The following LARGE1 variants were observed in gnomAD, a reference collection of about 807,000 sequenced individuals.
LARGE1 encodes xylosyl- and glucuronyltransferase LARGE1.
LARGE1 carries 43 observed loss-of-function variants against 87.6 expected under a neutral mutation model. The ratio of observed to expected loss-of-function variants is 0.49; its 90% CI spans 0.38 to 0.63. LARGE1 has a LOEUF of 0.63. Among genes scored for constraint, LARGE1 ranks in the 30% least tolerant of loss-of-function variants. The pLI is 0.00. For synonymous variants in LARGE1, 434 were observed against 394.6 expected, an observed-to-expected ratio of 1.10 and a Z score of -1.18; for missense variants, 802 against 1,000.2, an observed-to-expected ratio of 0.80 and a Z score of 2.67.
At chr22:33,082,336 C>T in the LARGE1 span, among the ~76,000 whole-genome samples, 26 of 152,114 alleles carry the variant, frequency 1.7e-4, no homozygotes, top group African/African-American at 5.6e-4. Flanking sequence ...AAGACCCTTC[C>T]GGTTGTTTAG....
chr22:33,400,170 T>C (rs1048412200), intron 7 of LARGE1, among the ~76,000 whole-genome samples: 2 of 152,238 alleles, frequency 1.3e-5, no homozygotes, highest in African/African-American at 4.8e-5. Flanking sequence ...AATGAAGATA[T>C]TCTGGCTGTG....
At chr22:33,722,910 G>C (rs1363098956) in intron 2 of LARGE1, among the ~76,000 whole-genome samples, 1 of 152,130 alleles carries the variant, frequency 6.6e-6, no homozygotes, top group Non-Finnish European at 1.5e-5. Context: ...TCGGAGCTTG[G>C]GGGTGAGCTG....
chr22:33,540,334 T>C (rs527748535), intron 6 of LARGE1, among the ~76,000 whole-genome samples: 2 of 151,850 alleles, frequency 1.3e-5, no homozygotes, highest in African/African-American at 4.8e-5. Context: ...GAGTTTGGAG[T>C]TGACTAAGTG....
chr22:33,351,653 C>A (rs1369620738), intron 9 of LARGE1, among the ~76,000 whole-genome samples: 1 of 152,058 alleles, frequency 6.6e-6, no homozygotes, highest in Non-Finnish European at 1.5e-5. Flanking sequence ...GATACTACTA[C>A]CCCCTTTGCG....
intron 12 of LARGE1, among the ~76,000 whole-genome samples, chr22:33,304,014 C>T (rs955391035): frequency 6.6e-6 from 1 of 152,256 alleles, no homozygotes; most frequent in African/African-American, 2.4e-5. Context: ...CTGCCATCAA[C>T]ATTTCCTTCT....
chr22:33,645,306 G>A (rs2080573196), intron 3 of LARGE1, among the ~76,000 whole-genome samples: 1 of 152,146 alleles, frequency 6.6e-6, no homozygotes, highest in Non-Finnish European at 1.5e-5. Context: ...ACAACTATCT[G>A]ATCTTTGACA....
At chr22:33,453,206 C>G (rs751550784) in intron 6 of LARGE1, among the ~76,000 whole-genome samples, 3 of 151,970 alleles carry the variant, frequency 2.0e-5, no homozygotes, top group African/African-American at 7.3e-5. Flanking sequence ...TATGAAGTCA[C>G]GAGTTCGAGA....
At chr22:33,342,531 T>A (rs1003037188) in intron 9 of LARGE1, among the ~76,000 whole-genome samples, 2 of 152,112 alleles carry the variant, frequency 1.3e-5, no homozygotes, top group Admixed American at 6.6e-5. Context: ...AAACCTGAGG[T>A]TCTTAACTAC....
At chr22:33,796,209 T>C (rs1344653266) in intron 1 of LARGE1, among the ~76,000 whole-genome samples, 2 of 151,660 alleles carry the variant, frequency 1.3e-5, no homozygotes, top group Non-Finnish European at 2.9e-5. Context: ...AAATTAAGAG[T>C]TTGAGTATTA....
intron 11 of LARGE1, among the ~76,000 whole-genome samples, chr22:33,170,251 C>T (rs1411631798): frequency 2.0e-5 from 3 of 152,018 alleles, no homozygotes; most frequent in Non-Finnish European, 4.4e-5. Context: ...CATCTGTAAT[C>T]CCAGCTACTC....
intron 10 of LARGE1, among the ~76,000 whole-genome samples, chr22:33,333,395 T>C (rs1938002219): frequency 6.6e-6 from 1 of 152,126 alleles, no homozygotes; most frequent in East Asian, 1.9e-4. Flanking sequence ...TTTTCTCTAA[T>C]ATAAATCTGC....
chr22:33,243,578 T>C (rs1451600305), intron 11 of LARGE1, among the ~76,000 whole-genome samples: 2 of 152,200 alleles, frequency 1.3e-5, no homozygotes, highest in Non-Finnish European at 2.9e-5. Flanking sequence ...TATCAGTAAT[T>C]TTTTCCTTTT....
the LARGE1 span, among the ~76,000 whole-genome samples, chr22:33,074,220 G>A: frequency 1.3e-5 from 2 of 151,942 alleles, 1 homozygote; most frequent in Admixed American, 1.3e-4. Flanking sequence ...CTCCTTTACC[G>A]GGACCGCTTC....
chr22:33,744,004 C>T (rs1380553866), intron 2 of LARGE1: 1 of 152,228 alleles, frequency 6.6e-6, no homozygotes, highest in East Asian at 1.9e-4. Flanking sequence ...CTTTTTCCAT[C>T]ATGCCCCGCT....
chr22:33,350,806 C>T (rs925260642), intron 9 of LARGE1, among the ~76,000 whole-genome samples: 3 of 152,176 alleles, frequency 2.0e-5, no homozygotes, highest in Admixed American at 6.5e-5. Flanking sequence ...GTCAGTCATG[C>T]CTGACCAGCC....
At chr22:33,618,533 A>T (rs773646209) in intron 4 of LARGE1, among the ~76,000 whole-genome samples, 1 of 152,212 alleles carries the variant, frequency 6.6e-6, no homozygotes, top group Non-Finnish European at 1.5e-5. Context: ...TTTAATATTT[A>T]TGGGTATGAC....
intron 1 of LARGE1, among the ~76,000 whole-genome samples, chr22:33,828,379 G>A (rs1356833971): frequency 2.6e-5 from 4 of 151,968 alleles, no homozygotes; most frequent in African/African-American, 9.6e-5. Context: ...AACAAGGAAG[G>A]AGATGGTCAA....
At chr22:33,141,210 A>G in the LARGE1 span, among the ~76,000 whole-genome samples, 2 of 151,804 alleles carry the variant, frequency 1.3e-5, no homozygotes, top group Admixed American at 6.6e-5. Context: ...ACACACACAC[A>G]CACACACACA....
intron 1 of LARGE1, among the ~76,000 whole-genome samples, chr22:33,850,936 A>G (rs889515304): frequency 6.6e-6 from 1 of 152,208 alleles, no homozygotes; most frequent in Admixed American, 6.5e-5. Context: ...GAGCAAGTCT[A>G]TAGCTGCTGA....
Sources: allele counts gnomAD v4.1 joint callset (sites outside exome capture counted in the v4.1 genomes callset), GRCh38; gene constraint gnomAD v4.1.1; transcripts MANE v1.5; gene names NCBI Gene and HGNC (gene_info 2026-07-23, HGNC 2026-07-21).